Variants in C1orf141 observed in about 807,000 individuals in gnomAD.
C1orf141 encodes the protein chromosome 1 open reading frame 141.
A neutral mutation model predicts 23.2 loss-of-function variants in C1orf141; 19 were observed. The observed-to-expected ratio is 0.82, with a 90% confidence interval of 0.57 to 1.20. C1orf141 has a LOEUF of 1.20. Among genes scored for constraint, C1orf141 ranks in the 50% most tolerant of loss-of-function variants. The probability of loss-of-function intolerance (pLI) is 0.00; values close to 1 mark genes in which losing one functional copy is unlikely to be tolerated. For synonymous variants in C1orf141, 153 were observed against 154.6 expected, an observed-to-expected ratio of 0.99 and a Z score of 0.08; for missense variants, 469 against 455.1, an observed-to-expected ratio of 1.03 and a Z score of -0.28.
intron 5 of C1orf141, among the ~76,000 whole-genome samples, chr1:67,107,572 A>C (rs1645959383): frequency 6.6e-6 from 1 of 152,216 alleles, no homozygotes; most frequent in Admixed American, 6.5e-5. Context: ...AGAAGGCTGC[A>C]GTGGTTCTAT....
intron 2 of C1orf141, among the ~76,000 whole-genome samples, chr1:67,130,366 T>A (rs1257027167): frequency 6.6e-6 from 1 of 152,178 alleles, no homozygotes; most frequent in Non-Finnish European, 1.5e-5. Flanking sequence ...GGGGAACGTA[T>A]AAACTACATG....
rs760865676 is a variant in C1orf141 at position 67,101,487 on chromosome 1, T to TGTGTGTGTGTGA, written c.347-5167_347-5166insTCACACACACAC. On this transcript the variant is annotated intron_variant, in intron 5 of 7. Coordinates refer to ENST00000684719, the MANE Select transcript of C1orf141 (RefSeq NM_001276351.2). The stretch of plus-strand genomic sequence containing the variant: ...GTGTGTGTGTGTGTGTGTGTGTGTG[T>TGTGTGTGTGTGA]GATGGAGTAGGTGGTTATAACAGGG... Among the ~76,000 whole-genome samples, 217 of 150,536 alleles carry TGTGTGTGTGTGA rather than the reference T, an allele frequency of 1.4e-3. 1 individual carries two copies. The highest frequency in any genetic ancestry group is 4.0e-3 in the African/African-American group (164 of 40,866).
At chr1:67,139,802 C>T (rs982552285), upstream of C1orf141, among the ~76,000 whole-genome samples, 3 of 152,152 alleles carry the variant, frequency 2.0e-5, no homozygotes, top group Admixed American at 6.5e-5. Flanking sequence ...TCAGCCTCTC[C>T]AGTAGCTGTC....
chr1:67,102,920 T>G (rs1161917816), intron 5 of C1orf141: 1 of 174,496 alleles, frequency 5.7e-6, no homozygotes, highest in Non-Finnish European at 1.2e-5. Context: ...TTCTTTTACT[T>G]AGGGCTAAAA....
At position 67,125,860 on chromosome 1, in the gene C1orf141, AG is replaced by A; in HGVS notation, c.124del (p.Leu42Ter). The part of the protein sequence containing the change: ...EGRKTTMAIP[L>X]TFDFQLEFEE... ...AAATTCCAACTGAAAATCAAATGTC[AG>A]GGGTATAGCCATAGTTGTTTTTCTT... On this transcript the variant is annotated frameshift_variant, in exon 4 of 8. Coordinates refer to ENST00000684719, the MANE Select transcript of C1orf141 (RefSeq NM_001276351.2). LOFTEE classifies it high-confidence loss of function. 2 of 1,610,052 alleles carry A rather than the reference AG, an allele frequency of 1.2e-6. No homozygotes were observed. Among genetic ancestry groups the A allele is most frequent in the Non-Finnish European group, 1.7e-6 (2 of 1,177,812 alleles).
At chr1:67,115,771 G>A (rs2102467885) in intron 4 of C1orf141, among the ~76,000 whole-genome samples, 1 of 152,328 alleles carries the variant, frequency 6.6e-6, no homozygotes, top group Middle Eastern at 3.4e-3. Context: ...TAACTTCAGT[G>A]AGACATTGAG....
At chr1:67,138,865 C>A (rs79459911), upstream of C1orf141, 1 of 152,480 alleles carries the variant, frequency 6.6e-6, no homozygotes, top group African/African-American at 2.4e-5. Flanking sequence ...GAGATCACAA[C>A]ACCCTGACCA....
At position 67,093,338 on chromosome 1, in the gene C1orf141, G is replaced by T. The variant is rs780474950; in HGVS notation, c.870C>A (p.His290Gln). Reference protein sequence around the residue: ...IQIPMSFKAGHTTVDDKLKKK... With the variant: ...IQIPMSFKAGQTTVDDKLKKK... ...TCTTTAGTTTATCATCTACAGTTGT[G>T]TGGCCCGCTTTAAAAGACATAGGGA... The change falls in exon 8 of 8, where the codon CAC becomes CAA. Residue 290 changes from histidine to glutamine, a missense_variant. His to Gln is a conservative substitution (Grantham distance 24). Coordinates refer to ENST00000684719, the MANE Select transcript of C1orf141 (RefSeq NM_001276351.2). 6.2e-6 allele frequency: 10 copies of T among 1,613,688 alleles called. No homozygotes were observed. The African/African-American group carries it at 1.1e-4, about 17-fold the overall frequency.
intron 5 of C1orf141, among the ~76,000 whole-genome samples, chr1:67,098,822 A>C (rs1417342636): frequency 6.6e-6 from 1 of 152,166 alleles, no homozygotes; most frequent in Non-Finnish European, 1.5e-5. Context: ...GACTAAGGTA[A>C]AAATAAAAAC....
intron 6 of C1orf141, chr1:67,095,670 T>C (rs954547487): frequency 2.9e-6 from 1 of 349,086 alleles, no homozygotes; most frequent in Non-Finnish European, 5.2e-6. Flanking sequence ...GTTGTATTAT[T>C]ACGTAGGTTG....
At chr1:67,098,438 C>T (rs1303239314) in intron 5 of C1orf141, among the ~76,000 whole-genome samples, 8 of 152,122 alleles carry the variant, frequency 5.3e-5, no homozygotes, top group Non-Finnish European at 1.0e-4. Context: ...AGGAGAATCG[C>T]TTGAACCAGA....
At position 67,096,369 on chromosome 1, in the gene C1orf141, T is replaced by C. The variant is rs765875573; in HGVS notation, c.347-48A>G. Reference sequence around the variant, plus strand: ...TAAAAGACACATAGATATTCTGACATTTAGGAAAATATCTTGCACAAAATA... The same window carrying C: ...TAAAAGACACATAGATATTCTGACACTTAGGAAAATATCTTGCACAAAATA... On this transcript the variant is annotated intron_variant, in intron 5 of 7. Coordinates refer to ENST00000684719, the MANE Select transcript of C1orf141 (RefSeq NM_001276351.2). The C allele has an allele frequency of 4.4e-6, 4 of 915,982 alleles. No individual in the cohort carries two copies. The South Asian group carries it at 4.5e-5, about 10-fold the overall frequency. 56.7% of individuals were successfully genotyped at this position (915,982 alleles called of 1,614,324 possible).
At chr1:67,097,161 C>T (rs1446366772) in intron 5 of C1orf141, among the ~76,000 whole-genome samples, 1 of 151,878 alleles carries the variant, frequency 6.6e-6, no homozygotes, top group Non-Finnish European at 1.5e-5. Context: ...GAGTTTGAGG[C>T]CAGCTGGGGC....
At chr1:67,109,251 C>A (rs1646008163) in intron 5 of C1orf141, among the ~76,000 whole-genome samples, 1 of 140,664 alleles carries the variant, frequency 7.1e-6, no homozygotes, top group Admixed American at 7.9e-5. Context: ...GGCCTGAACG[C>A]AGGAGGCAGA....
rs541142070 is a variant in C1orf141 at position 67,117,159 on chromosome 1, A to C, written c.234-1695T>G. On this transcript the variant is annotated intron_variant, in intron 4 of 7. Transcript: ENST00000684719. ...CCTAATAGGCCGGGCGCGGTGGCTA[A>C]TGCCTGTAATCCCAACACTTTGAGA... Among the ~76,000 whole-genome samples, 6 of 152,318 alleles carry C rather than the reference A, an allele frequency of 3.9e-5. No individual in the cohort carries two copies. In the South Asian group the frequency reaches 1.2e-3, roughly 32 times the overall value.
intron 4 of C1orf141, among the ~76,000 whole-genome samples, chr1:67,121,283 C>T (rs576899641): frequency 6.6e-5 from 10 of 152,248 alleles, no homozygotes; most frequent in African/African-American, 2.4e-4. Flanking sequence ...TCATGCTATT[C>T]AAAGCATAAT....
chr1:67,135,676 G>T (rs1646579129), upstream of C1orf141, among the ~76,000 whole-genome samples: 1 of 152,046 alleles, frequency 6.6e-6, no homozygotes, highest in Admixed American at 6.6e-5. Context: ...ATCTAAAAAT[G>T]ACTGACTTGA....
chr1:67,110,073 A>T (rs1266274405), intron 5 of C1orf141, among the ~76,000 whole-genome samples: 1 of 152,172 alleles, frequency 6.6e-6, no homozygotes, highest in Non-Finnish European at 1.5e-5. Flanking sequence ...AAATGCTGTT[A>T]ATAGTATTTT....
intron 5 of C1orf141, among the ~76,000 whole-genome samples, chr1:67,100,956 T>G (rs1314491236): frequency 6.6e-6 from 1 of 151,890 alleles, no homozygotes; most frequent in African/African-American, 2.4e-5. Flanking sequence ...GACCCCAGGG[T>G]GGTGGTGGTG....
Sources: allele counts gnomAD v4.1 joint callset (sites outside exome capture counted in the v4.1 genomes callset), GRCh38; gene constraint gnomAD v4.1.1; transcripts MANE v1.5; gene names NCBI Gene and HGNC (gene_info 2026-07-23, HGNC 2026-07-21).